The following GABRB1 variants were observed in gnomAD, a reference collection of about 807,000 sequenced individuals.
The protein encoded by GABRB1 is gamma-aminobutyric acid type A receptor subunit beta1.
GABRB1 carries 17 observed loss-of-function variants against 51.6 expected under a neutral mutation model. The ratio of observed to expected loss-of-function variants is 0.33; its 90% CI spans 0.23 to 0.49. GABRB1 has a LOEUF of 0.49. GABRB1 is among the 20% of genes least tolerant of loss of function. The probability of loss-of-function intolerance (pLI) is 0.99; values close to 1 mark genes in which losing one functional copy is unlikely to be tolerated. For synonymous variants in GABRB1, 247 were observed against 218.9 expected, an observed-to-expected ratio of 1.13 and a Z score of -1.14; for missense variants, 410 against 600.6, an observed-to-expected ratio of 0.68 and a Z score of 3.32.
chr4:47,053,137 A>G (rs1376192561), intron 3 of GABRB1, among the ~76,000 whole-genome samples: 1 of 152,184 alleles, frequency 6.6e-6, no homozygotes, highest in Admixed American at 6.5e-5. Context: ...TCATTGCTAC[A>G]AATGTGTTAC....
In GABRB1 at chr4:47,189,726, C is replaced by T. The variant is rs907326057; in HGVS notation, c.461+28257C>T. Among the ~76,000 whole-genome samples, 8 of 152,106 alleles carry T rather than the reference C, an allele frequency of 5.3e-5. No homozygotes were observed. In the South Asian group the frequency reaches 6.2e-4, roughly 12 times the overall value. On this transcript the variant is annotated intron_variant, in intron 4 of 8. Coordinates refer to ENST00000295454, the MANE Select transcript of GABRB1 (RefSeq NM_000812.4). ...TGTTCAGAGTCTGCCTTTACTGCCA[C>T]ATTGGAATATTAATTCTTCAAGGTA...
intron 5 of GABRB1, among the ~76,000 whole-genome samples, chr4:47,385,366 AG>A (rs1290239616): frequency 6.6e-6 from 1 of 152,240 alleles, no homozygotes; most frequent in Non-Finnish European, 1.5e-5. Flanking sequence ...TAAGAACAAG[AG>A]TAAACAGTCA....
At chr4:47,083,653 C>A (rs918027539) in intron 3 of GABRB1, among the ~76,000 whole-genome samples, 3 of 152,134 alleles carry the variant, frequency 2.0e-5, no homozygotes, top group Admixed American at 6.6e-5. Flanking sequence ...AAGCATCCAT[C>A]CCCATTCCAA....
At chr4:47,367,638 C>A (rs1367069551) in intron 5 of GABRB1, among the ~76,000 whole-genome samples, 1 of 152,202 alleles carries the variant, frequency 6.6e-6, no homozygotes, top group Non-Finnish European at 1.5e-5. Context: ...CGTGTGGCAG[C>A]TCTTTGTAGT....
intron 5 of GABRB1, among the ~76,000 whole-genome samples, chr4:47,394,903 G>A (rs983079187): frequency 6.6e-6 from 1 of 152,118 alleles, no homozygotes; most frequent in African/African-American, 2.4e-5. Context: ...AGAAGAGGCA[G>A]GTCCGGGTGG....
At chr4:47,191,413 G>C (rs1320657279) in intron 4 of GABRB1, among the ~76,000 whole-genome samples, 1 of 152,022 alleles carries the variant, frequency 6.6e-6, no homozygotes, top group South Asian at 2.1e-4. Context: ...CCCCCTAACT[G>C]TTCCAAAACT....
At chr4:47,266,239 T>C (rs1370169029) in intron 4 of GABRB1, among the ~76,000 whole-genome samples, 1 of 152,088 alleles carries the variant, frequency 6.6e-6, no homozygotes. Flanking sequence ...CAAAGACTGG[T>C]TGGTTGTAGC....
At chr4:47,111,666 C>T (rs1009174600) in intron 3 of GABRB1, among the ~76,000 whole-genome samples, 8 of 151,980 alleles carry the variant, frequency 5.3e-5, no homozygotes, top group African/African-American at 1.7e-4. Flanking sequence ...AAGTTTGAGA[C>T]CAGCCTGGGA....
intron 4 of GABRB1, among the ~76,000 whole-genome samples, chr4:47,272,454 A>C (rs1722908169): frequency 6.6e-6 from 1 of 152,172 alleles, no homozygotes; most frequent in East Asian, 1.9e-4. Context: ...GAAAAAGTTC[A>C]AGATAAGAAT....
rs532196063 is a variant in GABRB1 at position 47,057,099 on chromosome 4, T to G, written c.240+24615T>G. Among the ~76,000 whole-genome samples, 5 of 152,172 alleles carry G rather than the reference T, an allele frequency of 3.3e-5. No individual in the cohort carries two copies. In the East Asian group the frequency reaches 7.7e-4, roughly 24 times the overall value. ...CAGCCTGGGCGACAGAGCAAGACTC[T>G]GTCTCAAAAAACAAACAAACAAACA... On this transcript the variant is annotated intron_variant, in intron 3 of 8. Transcript: ENST00000295454.
intron 4 of GABRB1, among the ~76,000 whole-genome samples, chr4:47,240,005 C>T (rs1476806300): frequency 6.6e-6 from 1 of 152,186 alleles, no homozygotes; most frequent in Admixed American, 6.5e-5. Flanking sequence ...GGATTAGCAG[C>T]AGCAGCTCAG....
intron 5 of GABRB1, among the ~76,000 whole-genome samples, chr4:47,350,105 G>GA (rs569936560): frequency 4.0e-5 from 6 of 148,862 alleles, no homozygotes; most frequent in Non-Finnish European, 5.9e-5. Flanking sequence ...ATTAATATTT[G>GA]AAAAAATATA....
At chr4:47,215,314 A>G (rs1225873547) in intron 4 of GABRB1, among the ~76,000 whole-genome samples, 3 of 152,174 alleles carry the variant, frequency 2.0e-5, no homozygotes, top group East Asian at 3.9e-4. Context: ...TCTTCCCTCT[A>G]CTATATTACA....
intron 3 of GABRB1, among the ~76,000 whole-genome samples, chr4:47,048,805 C>A (rs909013202): frequency 5.3e-5 from 8 of 152,114 alleles, no homozygotes; most frequent in African/African-American, 1.9e-4. Context: ...TTCTAACCCC[C>A]TTTCTCATTT....
intron 5 of GABRB1, among the ~76,000 whole-genome samples, chr4:47,382,623 T>C (rs1035078451): frequency 6.6e-6 from 1 of 152,214 alleles, no homozygotes; most frequent in African/African-American, 2.4e-5. Flanking sequence ...TGGAACTCTG[T>C]ACTTCCATTT....
intron 5 of GABRB1, among the ~76,000 whole-genome samples, chr4:47,387,012 T>C (rs964794925): frequency 5.3e-5 from 8 of 152,240 alleles, no homozygotes; most frequent in African/African-American, 1.9e-4. Flanking sequence ...ATTAAAGACC[T>C]GATTCATCCT....
intron 8 of GABRB1, among the ~76,000 whole-genome samples, chr4:47,413,835 G>T (rs16860200): frequency 0.095 from 14,493 of 152,262 alleles, 763 homozygotes; most frequent in Middle Eastern, 0.13. Context: ...TTTCAGTGCA[G>T]ATGCTAGATC....
At chr4:47,263,180 A>T (rs1455018242) in intron 4 of GABRB1, among the ~76,000 whole-genome samples, 3 of 149,126 alleles carry the variant, frequency 2.0e-5, no homozygotes, top group Non-Finnish European at 4.4e-5. Flanking sequence ...GTACCCTAAA[A>T]CTTAAAGTAT....
In GABRB1 at chr4:47,403,356, G is replaced by A; in HGVS notation, c.583G>A (p.Gly195Arg). The A allele has an allele frequency of 6.2e-7, 1 of 1,614,002 alleles. No homozygotes were observed. Among genetic ancestry groups the A allele is most frequent in the Non-Finnish European group, 8.5e-7 (1 of 1,179,888 alleles). ...TTDDIEFYWNGGEGAVTGVNK... is the reference protein window; with the variant it reads ...TTDDIEFYWNRGEGAVTGVNK... Reference sequence around the variant, plus strand: ...TGATGACATTGAATTTTACTGGAATGGAGGAGAAGGGGCAGTCACTGGTGT... The same window carrying A: ...TGATGACATTGAATTTTACTGGAATAGAGGAGAAGGGGCAGTCACTGGTGT... The change falls in exon 6 of 9, where the codon GGA becomes AGA. Residue 195 changes from glycine to arginine, a missense_variant. Gly to Arg is a moderately radical substitution (Grantham distance 125). This residue lies in a region of GABRB1 where 36 missense variants were observed against 39.7 expected (regional missense o/e 0.91). Coordinates refer to ENST00000295454, the MANE Select transcript of GABRB1 (RefSeq NM_000812.4).
Sources: allele counts gnomAD v4.1 joint callset (sites outside exome capture counted in the v4.1 genomes callset), GRCh38; gene constraint gnomAD v4.1.1; regional missense constraint gnomAD v4.1.1; transcripts MANE v1.5; gene names NCBI Gene and HGNC (gene_info 2026-07-23, HGNC 2026-07-21).